The following OTOGL variants were observed in gnomAD, a reference collection of about 807,000 sequenced individuals.
OTOGL encodes otogelin-like protein.
In OTOGL, 285 loss-of-function variants were observed where a neutral mutation model predicts 318.5. The observed-to-expected ratio is 0.89, with a 90% CI of 0.81 to 0.99. The LOEUF is 0.99. Among genes scored for constraint, OTOGL ranks in the 50% least tolerant of loss-of-function variants. OTOGL has a pLI of 0.00. For synonymous variants in OTOGL, 987 were observed against 936.5 expected (o/e 1.05, Z -0.99); for missense variants, 2,899 against 2,845.6 (o/e 1.02, Z -0.43).
At chr12:80,222,332 T>A in intron 7 of OTOGL, 87 bp downstream of exon 7, 1 of 1,239,632 alleles carries the variant, frequency 8.1e-7, no homozygotes, top group Non-Finnish European at 1.1e-6. Context: ...TGATGCAAAA[T>A]ATATACTAAT....
chr12:80,178,116 A>T (rs1169400866), intron 1 of OTOGL, among the ~76,000 whole-genome samples: 1 of 122,224 alleles, frequency 8.2e-6, no homozygotes, highest in African/African-American at 3.2e-5. Context: ...GCTGGAGTGC[A>T]GTGGTGTGAT....
chr12:80,308,981 G>GGGGAGA (rs59424577), intron 29 of OTOGL, among the ~76,000 whole-genome samples: 41,611 of 149,230 alleles, frequency 0.28, 6,633 homozygotes, highest in African/African-American at 0.43. Context: ...GGGAGACCGT[G>GGGGAGA]GGGAGAGGGA....
chr12:80,246,175 C>G (rs1320450764), intron 11 of OTOGL, among the ~76,000 whole-genome samples: 1 of 150,664 alleles, frequency 6.6e-6, no homozygotes, highest in Non-Finnish European at 1.5e-5. Context: ...GCCTGATTGC[C>G]CTGGCCAGAA....
intron 9 of OTOGL, 27 bp from the exon 10 acceptor site, chr12:80,238,824 G>T: frequency 2.7e-6 from 4 of 1,501,704 alleles, no homozygotes; most frequent in Non-Finnish European, 3.5e-6. Flanking sequence ...ATTTGTGTGT[G>T]TGTGTGTGTG....
chr12:80,318,891 C>A (rs1887149079), intron 33 of OTOGL, among the ~76,000 whole-genome samples, 178 bp downstream of exon 33: 1 of 152,090 alleles, frequency 6.6e-6, no homozygotes, highest in Admixed American at 6.5e-5. Context: ...TATACAAAAT[C>A]ATTTCTTTGT....
chr12:80,322,632 G>T lies in OTOGL; in HGVS notation c.4082-1091G>T, dbSNP rs1386064129. On this transcript the variant is annotated intron_variant, in intron 34 of 58. Coordinates refer to ENST00000547103, the MANE Select transcript of OTOGL (RefSeq NM_001378609.3). Reference sequence around the variant, plus strand: ...CTTCCTGAATTTTCTTTCTTAAGAGGTTCTCTTGTTCAGAGATAGCTTTGA... The same window carrying T: ...CTTCCTGAATTTTCTTTCTTAAGAGTTTCTCTTGTTCAGAGATAGCTTTGA... Among the ~76,000 whole-genome samples, 5 of 152,254 alleles carry T rather than the reference G, an allele frequency of 3.3e-5. No homozygotes were observed. In the East Asian group the frequency reaches 9.7e-4, roughly 29 times the overall value.
At chr12:80,173,719 C>G (rs1874355046) in intron 1 of OTOGL, among the ~76,000 whole-genome samples, 1 of 152,164 alleles carries the variant, frequency 6.6e-6, no homozygotes, top group African/African-American at 2.4e-5. Context: ...TGGAGTTGCT[C>G]TGGTTCAAAT....
At chr12:80,125,271 C>T (rs1416961414) in intron 1 of OTOGL, among the ~76,000 whole-genome samples, 1 of 152,130 alleles carries the variant, frequency 6.6e-6, no homozygotes, top group South Asian at 2.1e-4. Context: ...TTGTCAAAGG[C>T]CTTTTCTGCA....
At chr12:80,134,069 A>G (rs1871400345) in intron 1 of OTOGL, among the ~76,000 whole-genome samples, 1 of 152,336 alleles carries the variant, frequency 6.6e-6, no homozygotes, top group South Asian at 2.1e-4. Flanking sequence ...TGAATGATAC[A>G]ATCAGGTTTT....
At chr12:80,346,442 G>C (rs1048485486) in intron 44 of OTOGL, among the ~76,000 whole-genome samples, 2 of 152,134 alleles carry the variant, frequency 1.3e-5, no homozygotes. Context: ...CTGTATGAAG[G>C]TCTGAAGAAG....
chr12:80,235,437 C>T (rs1273746629), intron 9 of OTOGL, among the ~76,000 whole-genome samples: 1 of 141,392 alleles, frequency 7.1e-6, no homozygotes, highest in East Asian at 2.1e-4. Flanking sequence ...CACTGCACTC[C>T]AGCCTGGACA....
At chr12:80,156,140 C>T (rs992631216) in intron 1 of OTOGL, among the ~76,000 whole-genome samples, 6 of 152,176 alleles carry the variant, frequency 3.9e-5, no homozygotes, top group African/African-American at 1.4e-4. Context: ...GAAAGGCAGA[C>T]CCTATCCTCA....
At chr12:80,320,368 C>T in intron 33 of OTOGL, 54 bp from the exon 34 acceptor site, 4 of 1,491,000 alleles carry the variant, frequency 2.7e-6, no homozygotes, top group Non-Finnish European at 3.6e-6. Context: ...TTTGTGATGC[C>T]AATGTTGATG....
At chr12:80,177,616 A>G (rs1170437075) in intron 1 of OTOGL, among the ~76,000 whole-genome samples, 3 of 152,152 alleles carry the variant, frequency 2.0e-5, no homozygotes, top group Non-Finnish European at 4.4e-5. Context: ...CATTTCTACA[A>G]AAAAGCCAGT....
At chr12:80,109,913 C>T (rs1181927710) in intron 1 of OTOGL, among the ~76,000 whole-genome samples, 1 of 152,064 alleles carries the variant, frequency 6.6e-6, no homozygotes, top group Non-Finnish European at 1.5e-5. Flanking sequence ...AATTCCCTTA[C>T]ACACTCTTAT....
At chr12:80,108,928 A>ATGTGTATATATATGTGTG (rs1869656484) in intron 1 of OTOGL, among the ~76,000 whole-genome samples, 1 of 88,166 alleles carries the variant, frequency 1.1e-5, no homozygotes, top group African/African-American at 5.0e-5. Flanking sequence ...GTATATATAT[A>ATGTGTATATATATGTGTG]TGTGTGTGTA....
intron 1 of OTOGL, among the ~76,000 whole-genome samples, chr12:80,169,556 T>A (rs1874048125): frequency 2.0e-5 from 3 of 152,220 alleles, no homozygotes; most frequent in African/African-American, 7.2e-5. Flanking sequence ...TGACACAATT[T>A]TTTTTGCTAT....
At chr12:80,335,101 A>G (rs973771498) in intron 38 of OTOGL, among the ~76,000 whole-genome samples, 12 of 152,138 alleles carry the variant, frequency 7.9e-5, no homozygotes, top group Non-Finnish European at 1.5e-4. Flanking sequence ...AAGATACTTT[A>G]TTAGTGTATG....
intron 1 of OTOGL, chr12:80,103,441 G>T (rs1869265321): frequency 1.6e-5 from 10 of 614,786 alleles, no homozygotes; most frequent in Admixed American, 2.9e-5. Flanking sequence ...CCAGAATGTT[G>T]TCCCTTCTCT....
Sources: gnomAD v4.1 joint callset for allele counts (sites outside exome capture counted in the v4.1 genomes callset) on GRCh38, gnomAD v4.1.1 for gene constraint, MANE v1.5 for transcripts, NCBI Gene and HGNC (gene_info 2026-07-23, HGNC 2026-07-21) for gene names.